PPP2R2B: variants seen among roughly 807,000 people sequenced by gnomAD.
PPP2R2B encodes the protein protein phosphatase 2 regulatory subunit Bbeta.
In PPP2R2B, 5 loss-of-function variants were observed where a neutral mutation model predicts 46.0. The ratio of observed to expected loss-of-function variants is 0.11; its 90% CI spans 0.06 to 0.23. PPP2R2B has a LOEUF of 0.23. PPP2R2B is among the 10% of genes least tolerant of loss of function. The pLI is 1.00. For missense variants in PPP2R2B, 367 were observed against 575.0 expected, an observed-to-expected ratio of 0.64 and a Z score of 3.70; for synonymous variants, 215 against 206.7, an observed-to-expected ratio of 1.04 and a Z score of -0.34.
chr5:146,585,802 A>G lies in PPP2R2B; in HGVS notation c.*4145T>C, dbSNP rs1770130175. On this transcript the variant is annotated 3_prime_UTR_variant, in exon 10 of 10. Coordinates refer to ENST00000394411, the MANE Select transcript of PPP2R2B (RefSeq NM_181675.4). ...AAACCTATCAAAATAGTTGTAAGTA[A>G]ATGGATTTCTTGTTCTCCCAATAAC... 1 of 152,200 alleles carries G rather than the reference A, an allele frequency of 6.6e-6. No homozygotes were observed. Among genetic ancestry groups the G allele is most frequent in the Non-Finnish European group, 1.5e-5 (1 of 68,044 alleles). The allele number at this position is 152,200 out of a possible 1,614,324, so 9.4% of individuals were successfully genotyped here. A position where few individuals can be genotyped will look rare whatever the true frequency, so the allele number is the denominator to read the frequency against.
chr5:147,048,125 T>A (rs1193960989), intron 1 of PPP2R2B, among the ~76,000 whole-genome samples: 1 of 152,142 alleles, frequency 6.6e-6, no homozygotes, highest in African/African-American at 2.4e-5. Flanking sequence ...TAAAACCTAC[T>A]GTTAGAGTTG....
intron 2 of PPP2R2B, among the ~76,000 whole-genome samples, chr5:146,726,773 C>G (rs931723656): frequency 6.6e-6 from 1 of 152,120 alleles, no homozygotes; most frequent in Non-Finnish European, 1.5e-5. Flanking sequence ...CCCACAGTCT[C>G]TTTTGCTGTA....
chr5:146,759,615 T>A (rs1012959354), intron 2 of PPP2R2B, among the ~76,000 whole-genome samples: 5 of 152,168 alleles, frequency 3.3e-5, no homozygotes, highest in Admixed American at 6.6e-5. Context: ...ACCTTCCAAG[T>A]TGAATTAGGT....
chr5:146,886,987 C>T (rs1002089378), intron 1 of PPP2R2B, among the ~76,000 whole-genome samples: 1 of 151,816 alleles, frequency 6.6e-6, no homozygotes, highest in Non-Finnish European at 1.5e-5. Flanking sequence ...ATGTATAGAA[C>T]GGCTCTGTGC....
intron 2 of PPP2R2B, among the ~76,000 whole-genome samples, chr5:146,838,578 A>AG (rs1477982940): frequency 6.6e-6 from 1 of 151,626 alleles, no homozygotes; most frequent in Non-Finnish European, 1.5e-5. Context: ...CTCAAAAAAA[A>AG]AAAAAAGAAA....
At chr5:146,669,673 C>T (rs979562396) in intron 5 of PPP2R2B, among the ~76,000 whole-genome samples, 1 of 152,036 alleles carries the variant, frequency 6.6e-6, no homozygotes, top group African/African-American at 2.4e-5. Flanking sequence ...GCTTACTGTC[C>T]CCTGTATGCT....
intron 2 of PPP2R2B, among the ~76,000 whole-genome samples, chr5:146,869,894 T>C (rs1192705021): frequency 6.6e-6 from 1 of 152,164 alleles, no homozygotes; most frequent in Admixed American, 6.5e-5. Context: ...ATAAGCAATG[T>C]TAGTTTCACT....
intron 2 of PPP2R2B, among the ~76,000 whole-genome samples, chr5:146,786,905 C>A (rs1362944821): frequency 6.6e-6 from 1 of 152,146 alleles, no homozygotes; most frequent in Admixed American, 6.5e-5. Context: ...ACGAAGCTAA[C>A]AACAACTCTT....
intron 2 of PPP2R2B, among the ~76,000 whole-genome samples, chr5:146,866,800 A>G (rs1761338028): frequency 6.6e-6 from 1 of 152,078 alleles, no homozygotes; most frequent in Admixed American, 6.6e-5. Flanking sequence ...GCTCTTCCTC[A>G]TGATCATAAT....
intron 2 of PPP2R2B, among the ~76,000 whole-genome samples, chr5:146,848,139 G>GTT (rs137984593): frequency 0.016 from 1,849 of 116,976 alleles, 45 homozygotes; most frequent in African/African-American, 0.051. Flanking sequence ...TTATTCTTTA[G>GTT]TTTTTTTTAT....
chr5:146,902,346 C>T (rs616756), intron 1 of PPP2R2B, among the ~76,000 whole-genome samples: 72,397 of 151,910 alleles, frequency 0.48, 18,944 homozygotes, highest in East Asian at 0.7. Context: ...ATGAACTGTT[C>T]TGCAAAATGT....
At chr5:146,840,699 A>C (rs1008562619) in intron 2 of PPP2R2B, among the ~76,000 whole-genome samples, 1 of 152,242 alleles carries the variant, frequency 6.6e-6, no homozygotes, top group South Asian at 2.1e-4. Flanking sequence ...TATACAAAAC[A>C]AAAATAAACT....
rs1762301361 is a variant in PPP2R2B, at chr5:146,885,764, T to C, written c.79+169901A>G. 3.9e-5 allele frequency among the ~76,000 whole-genome samples: 6 copies of C among 152,168 alleles called. No homozygotes were observed. In the South Asian group the frequency reaches 1.2e-3, roughly 32 times the overall value. On this transcript the variant is annotated intron_variant, in intron 1 of 8. Transcript: ENST00000336640. ...AGATGGATAAACAAAATGTTATATG[T>C]CCATACAATAGAATATTATTCAGCT...
intron 2 of PPP2R2B, among the ~76,000 whole-genome samples, chr5:146,860,317 AT>A (rs1328172738): frequency 1.3e-5 from 2 of 152,194 alleles, no homozygotes; most frequent in African/African-American, 4.8e-5. Flanking sequence ...TGCTTGATTA[AT>A]CACTCAAACT....
At chr5:146,651,946 C>T (rs1298934067) in intron 5 of PPP2R2B, among the ~76,000 whole-genome samples, 1 of 152,110 alleles carries the variant, frequency 6.6e-6, no homozygotes, top group East Asian at 1.9e-4. Flanking sequence ...GTTTTTAAAT[C>T]AAATCAATGA....
intron 2 of PPP2R2B, among the ~76,000 whole-genome samples, chr5:146,743,036 A>C (rs1752970587): frequency 6.6e-6 from 1 of 152,186 alleles, no homozygotes; most frequent in Non-Finnish European, 1.5e-5. Context: ...TTTAGCCTCC[A>C]GAACTGTGAG....
intron 2 of PPP2R2B, among the ~76,000 whole-genome samples, chr5:146,762,979 T>C (rs1754257087): frequency 6.6e-6 from 1 of 152,214 alleles, no homozygotes; most frequent in South Asian, 2.1e-4. Context: ...ATTTGGCTAA[T>C]GTGCCCCGCA....
chr5:146,758,805 A>C (rs1344642525), intron 2 of PPP2R2B, among the ~76,000 whole-genome samples: 2 of 152,204 alleles, frequency 1.3e-5, no homozygotes, highest in Non-Finnish European at 2.9e-5. Flanking sequence ...AGCAACAGAA[A>C]AATTTAGTTA....
chr5:146,984,734 A>T (rs1274024885), intron 1 of PPP2R2B, among the ~76,000 whole-genome samples: 2 of 151,368 alleles, frequency 1.3e-5, no homozygotes, highest in Non-Finnish European at 2.9e-5. Flanking sequence ...ACCAACACTT[A>T]TCTTTGGCTT....
Sources: allele counts gnomAD v4.1 joint callset (sites outside exome capture counted in the v4.1 genomes callset), GRCh38; gene constraint gnomAD v4.1.1; transcripts MANE v1.5; gene names NCBI Gene and HGNC (gene_info 2026-07-23, HGNC 2026-07-21).